The following STXBP5L variants were observed in gnomAD, a reference collection of about 807,000 sequenced individuals.
STXBP5L encodes the protein syntaxin binding protein 5L.
A neutral mutation model predicts 144.5 loss-of-function variants in STXBP5L; 65 were observed. The ratio of observed to expected loss-of-function variants is 0.45; its 90% CI spans 0.37 to 0.55. The LOEUF (loss-of-function observed/expected upper bound fraction) is 0.55. Among genes scored for constraint, STXBP5L ranks in the 20% least tolerant of loss-of-function variants. The pLI is 0.00. For synonymous variants in STXBP5L, 505 were observed against 469.6 expected (o/e 1.08, Z -0.97); for missense variants, 1,298 against 1,405.5 (o/e 0.92, Z 1.22).
intron 20 of STXBP5L, among the ~76,000 whole-genome samples, chr3:121,365,921 C>G (rs1321293860): frequency 6.6e-6 from 1 of 151,602 alleles, no homozygotes; most frequent in Non-Finnish European, 1.5e-5. Flanking sequence ...TCCCTCTTTG[C>G]ACTGCTTTCA....
chr3:120,913,022 A>G (rs191379379), intron 2 of STXBP5L, among the ~76,000 whole-genome samples: 15 of 152,014 alleles, frequency 9.9e-5, no homozygotes, highest in East Asian at 5.8e-4. Context: ...CATCACCTCT[A>G]TGAGACTAGC....
chr3:121,343,345 G>C (rs1346864504), intron 20 of STXBP5L, among the ~76,000 whole-genome samples: 2 of 152,034 alleles, frequency 1.3e-5, no homozygotes, highest in Admixed American at 1.3e-4. Context: ...CTCTTTACAG[G>C]GATGCCCTCT....
At chr3:121,294,434 A>G (rs1242087967) in intron 19 of STXBP5L, among the ~76,000 whole-genome samples, 3 of 152,208 alleles carry the variant, frequency 2.0e-5, no homozygotes, top group African/African-American at 7.2e-5. Flanking sequence ...TCAGTTTTAG[A>G]CACGTTAAAT....
chr3:121,381,680 C>A (rs1404871785), intron 22 of STXBP5L, 148 bp downstream of exon 22: 5 of 1,002,264 alleles, frequency 5.0e-6, no homozygotes, highest in East Asian at 3.0e-5. Context: ...ACATCATATA[C>A]CATCCCAACA....
In STXBP5L at chr3:121,279,683, A is replaced by C. The variant is rs963156717; in HGVS notation, c.1959-122A>C. ...AAGGCATCCTTCTTGACTTTACACAAATCACTGCCCAACTTCCCCAACCCT... is the reference window on the plus strand; with the variant it reads ...AAGGCATCCTTCTTGACTTTACACACATCACTGCCCAACTTCCCCAACCCT... On this transcript the variant is annotated intron_variant, in intron 18 of 26. Transcript: ENST00000471454. 5 of 1,175,988 alleles carry C rather than the reference A, an allele frequency of 4.3e-6. No individual in the cohort carries two copies. The African/African-American group carries it at 7.8e-5, about 18-fold the overall frequency. The allele number at this position is 1,175,988 out of a possible 1,614,324, so 72.8% of individuals were successfully genotyped here.
Position 121,246,447 on chromosome 3 carries a change from C to T in STXBP5L, c.1401-4276C>T, listed in dbSNP as rs193072571. On this transcript the variant is annotated intron_variant, in intron 14 of 26. Coordinates refer to ENST00000471454, the MANE Select transcript of STXBP5L (RefSeq NM_001308330.2). ...GTTCTTTGGTTGAGTGGTTTCAATA[C>T]GATTATATTCTGTATATTAAATCTA... 1.1e-4 allele frequency among the ~76,000 whole-genome samples: 17 copies of T among 152,038 alleles called. No homozygotes were observed. The East Asian group carries it at 1.5e-3, about 14-fold the overall frequency.
chr3:121,073,840 G>C (rs537884422), intron 5 of STXBP5L, among the ~76,000 whole-genome samples: 1 of 152,312 alleles, frequency 6.6e-6, no homozygotes, highest in African/African-American at 2.4e-5. Flanking sequence ...GTCAGGTAGA[G>C]GAATGCCACA....
At chr3:121,258,094 T>C (rs1337716403) in intron 17 of STXBP5L, among the ~76,000 whole-genome samples, 1 of 152,204 alleles carries the variant, frequency 6.6e-6, no homozygotes, top group Non-Finnish European at 1.5e-5. Flanking sequence ...TTTTTAAAAC[T>C]ATTTATTAAT....
intron 19 of STXBP5L, among the ~76,000 whole-genome samples, chr3:121,305,506 G>A (rs1490677784): frequency 6.6e-6 from 1 of 152,024 alleles, no homozygotes; most frequent in Non-Finnish European, 1.5e-5. Context: ...TTTAAAATTT[G>A]AAAATCAATG....
At chr3:121,194,440 C>A (rs1455360757) in intron 9 of STXBP5L, among the ~76,000 whole-genome samples, 1 of 42,778 alleles carries the variant, frequency 2.3e-5, no homozygotes, top group Non-Finnish European at 4.5e-5. Flanking sequence ...GAGGCCTAGG[C>A]AGGAGGATTG....
At chr3:121,023,891 G>C (rs558352764) in intron 3 of STXBP5L, among the ~76,000 whole-genome samples, 5 of 151,988 alleles carry the variant, frequency 3.3e-5, no homozygotes, top group African/African-American at 1.2e-4. Context: ...AAGTAGCTGG[G>C]ACTACAGGTG....
chr3:121,379,970 A>G (rs1011430692), intron 21 of STXBP5L, among the ~76,000 whole-genome samples: 4 of 152,060 alleles, frequency 2.6e-5, no homozygotes, highest in African/African-American at 9.7e-5. Flanking sequence ...AAGCAGCTGG[A>G]GGTACAGGTG....
rs558662776 is a variant in STXBP5L, at chr3:120,992,277, G to A, written c.287+37240G>A. ...GTTTAGCATATCCATTACCTCAAGT[G>A]TTTATTATTTATATATGTTGGGAAC... On this transcript the variant is annotated intron_variant, in intron 3 of 26. Transcript: ENST00000471454. Among the ~76,000 whole-genome samples, 273 of 152,186 alleles carry A rather than the reference G, an allele frequency of 1.8e-3. 1 individual carries two copies. Among genetic ancestry groups the A allele is most frequent in the Non-Finnish European group, 3.1e-3 (210 of 67,976 alleles).
Position 121,181,766 on chromosome 3 carries a change from A to C in STXBP5L, c.877+24139A>C, listed in dbSNP as rs551694355. The stretch of plus-strand genomic sequence containing the variant: ...GAAAACAAAAAACAAACAAAAACAA[A>C]CAAACAAACAAAAAACAACCAAGTG... On this transcript the variant is annotated intron_variant, in intron 9 of 26. Transcript: ENST00000471454. Among the ~76,000 whole-genome samples the C allele has an allele frequency of 2.0e-5, 3 of 152,138 alleles. No individual in the cohort carries two copies. In the South Asian group the frequency reaches 6.2e-4, roughly 32 times the overall value.
intron 20 of STXBP5L, among the ~76,000 whole-genome samples, chr3:121,320,994 C>T (rs1300091115): frequency 2.0e-5 from 3 of 152,254 alleles, no homozygotes; most frequent in East Asian, 1.9e-4. Context: ...CCACCGTGCC[C>T]GGCCCACACT....
At chr3:121,297,402 A>G (rs1316690029) in intron 19 of STXBP5L, among the ~76,000 whole-genome samples, 1 of 152,206 alleles carries the variant, frequency 6.6e-6, no homozygotes, top group Non-Finnish European at 1.5e-5. Flanking sequence ...AAGCAGATCC[A>G]TAGAGACCCA....
At chr3:121,400,182 G>A (rs1019528372) in intron 22 of STXBP5L, among the ~76,000 whole-genome samples, 2 of 152,198 alleles carry the variant, frequency 1.3e-5, no homozygotes, top group Non-Finnish European at 2.9e-5. Context: ...GCATGCACCA[G>A]GGGCTTGAAG....
At chr3:121,313,286 G>C (rs1247256596) in intron 19 of STXBP5L, among the ~76,000 whole-genome samples, 1 of 143,400 alleles carries the variant, frequency 7.0e-6, no homozygotes, top group Non-Finnish European at 1.5e-5. Flanking sequence ...TCCCAGTAGG[G>C]GCGGCTGGGC....
intron 14 of STXBP5L, among the ~76,000 whole-genome samples, chr3:121,241,434 A>G (rs1351342620): frequency 9.9e-6 from 1 of 100,922 alleles, no homozygotes; most frequent in African/African-American, 3.7e-5. Flanking sequence ...TCCCACACAC[A>G]CAAGTGTGGC....
Sources: allele counts gnomAD v4.1 joint callset (sites outside exome capture counted in the v4.1 genomes callset), GRCh38; gene constraint gnomAD v4.1.1; transcripts MANE v1.5; gene names NCBI Gene and HGNC (gene_info 2026-07-23, HGNC 2026-07-21).